Variants in BCAR3 observed in about 807,000 individuals in gnomAD.
BCAR3 encodes breast cancer anti-estrogen resistance protein 3.
BCAR3 carries 37 observed loss-of-function variants against 80.1 expected under a neutral mutation model. The ratio of observed to expected loss-of-function variants is 0.46; its 90% CI spans 0.36 to 0.61. The LOEUF (loss-of-function observed/expected upper bound fraction) is 0.61, where lower values mean the gene tolerates loss of function less well. Ranked by LOEUF, BCAR3 falls within the 20% of genes least tolerant of loss-of-function variation. The pLI is 0.00. For synonymous variants in BCAR3, 389 were observed against 418.9 expected (o/e 0.93, Z 0.87); for missense variants, 978 against 1,068.2 (o/e 0.92, Z 1.18).
rs372030393 is a variant in BCAR3 at position 93,592,400 on chromosome 1, C to T, written c.358-7G>A. The T allele has an allele frequency of 2.5e-5, 40 of 1,590,964 alleles. No homozygotes were observed. The highest frequency in any genetic ancestry group is 3.3e-5 in the Non-Finnish European group (39 of 1,174,374). On this transcript the variant is annotated splice_region_variant and splice_polypyrimidine_tract_variant and intron_variant, in intron 3 of 11. Coordinates refer to ENST00000260502, the MANE Select transcript of BCAR3 (RefSeq NM_003567.4). This position sits in a 1 kb window ranked among gnomAD's most constrained non-coding sequence, Gnocchi z 4.8. ...TGTGCCTCTCCTTGGAGAACTGCAA[C>T]ACAGAGTCAACCATGAGCTCACCCT...
At chr1:93,712,534 C>G (rs1650059492) in intron 2 of BCAR3, among the ~76,000 whole-genome samples, 1 of 152,218 alleles carries the variant, frequency 6.6e-6, no homozygotes, top group Non-Finnish European at 1.5e-5. Context: ...TGCTCACTGT[C>G]TAGGTCCATG....
rs376160020 is a variant in BCAR3, at chr1:93,589,057, C to T, written c.849G>A (p.Pro283=). Residue 283 remains proline, a synonymous_variant, in exon 5 of 12, where the codon CCG becomes CCA. Transcript: ENST00000260502. The stretch of plus-strand genomic sequence containing the variant: ...TGAGGCTCAGCCTCTTGGCCACATC[C>T]GGCCTTCCCTTGGTGAGGCTGCCCT... ...AREGSLTKGR[P]DVAKRLSLTM... 1.1e-4 allele frequency: 183 copies of T among 1,611,948 alleles called. No homozygotes were observed. The South Asian group carries it at 1.3e-3, about 11-fold the overall frequency.
chr1:93,770,087 G>C (rs1212030994), intron 2 of BCAR3, among the ~76,000 whole-genome samples: 1 of 152,226 alleles, frequency 6.6e-6, no homozygotes, highest in Non-Finnish European at 1.5e-5. Flanking sequence ...AAGGGGAAAG[G>C]CTTTTCAGCA....
At chr1:93,614,410 G>GT (rs1405910985) in intron 3 of BCAR3, among the ~76,000 whole-genome samples, 1 of 152,040 alleles carries the variant, frequency 6.6e-6, no homozygotes, top group Non-Finnish European at 1.5e-5. Flanking sequence ...AGGAAGCAGG[G>GT]TAAGTTGTAC....
rs572873135 is a variant in BCAR3 at position 93,715,362 on chromosome 1, T to C, written c.-62-9220A>G. ...AAAGGTTGTAAGTTCCTAGGAAAGA[T>C]GACAGAAACAAAGATTGCCTTGGAG... On this transcript the variant is annotated intron_variant, in intron 2 of 13. Coordinates refer to the BCAR3 transcript ENST00000370244. 4.6e-5 allele frequency among the ~76,000 whole-genome samples: 7 copies of C among 152,356 alleles called. No homozygotes were observed. The Middle Eastern group carries it at 0.02, about 444-fold the overall frequency.
At chr1:93,717,285 G>T (rs1429686100) in intron 2 of BCAR3, among the ~76,000 whole-genome samples, 1 of 152,216 alleles carries the variant, frequency 6.6e-6, no homozygotes, top group Admixed American at 6.5e-5. Flanking sequence ...AGGAGGCCCA[G>T]CTGAGCCCAG....
intron 2 of BCAR3, among the ~76,000 whole-genome samples, chr1:93,665,965 C>T (rs183371346): frequency 6.6e-6 from 1 of 152,166 alleles, no homozygotes. Flanking sequence ...ACTGTACCTG[C>T]AAACTATATC....
intron 2 of BCAR3, among the ~76,000 whole-genome samples, chr1:93,652,031 T>C (rs1041103335): frequency 6.6e-6 from 1 of 152,202 alleles, no homozygotes; most frequent in Non-Finnish European, 1.5e-5. Context: ...GAGGGGGTAT[T>C]TGGCACTTCC....
At chr1:93,733,955 T>C (rs561572456) in intron 2 of BCAR3, among the ~76,000 whole-genome samples, 1 of 152,358 alleles carries the variant, frequency 6.6e-6, no homozygotes, top group Non-Finnish European at 1.5e-5. Context: ...GTGACTTTTC[T>C]CCTAAATATC....
intron 2 of BCAR3, among the ~76,000 whole-genome samples, chr1:93,777,678 G>A (rs1246281956): frequency 6.6e-6 from 1 of 152,064 alleles, no homozygotes; most frequent in Non-Finnish European, 1.5e-5. Flanking sequence ...TCCTGCCTTG[G>A]CCTCTCAGAG....
chr1:93,564,289 T>A (rs1287149330), intron 11 of BCAR3, among the ~76,000 whole-genome samples: 1 of 111,328 alleles, frequency 9.0e-6, no homozygotes, highest in African/African-American at 3.8e-5. Flanking sequence ...TTTCTTTCTT[T>A]CTTTTTTTTT....
In BCAR3 at chr1:93,786,053, C is replaced by T. The variant is rs565150359; in HGVS notation, c.-63+59514G>A. Among the ~76,000 whole-genome samples the T allele has an allele frequency of 1.3e-3, 179 of 141,276 alleles. 8 individuals carry two copies. Among genetic ancestry groups the T allele is most frequent in the Non-Finnish European group, 1.9e-3 (124 of 66,746 alleles). The allele number at this position is 141,276 out of a possible 152,430, so 92.7% of individuals were successfully genotyped here. A position where few individuals can be genotyped will look rare whatever the true frequency, so the allele number is the denominator to read the frequency against. On this transcript the variant is annotated intron_variant, in intron 2 of 13. Coordinates refer to the BCAR3 transcript ENST00000370244. ...CTAAAAATACAAAAAATTAGCCGGG[C>T]GTGGTGGCGGGCGCCTGTAGTCCCA...
At position 93,592,724 on chromosome 1, in the gene BCAR3, A is replaced by G. The variant is rs7519939; in HGVS notation, c.358-331T>C. ...GCCCAGCCTGCTCTCTTCCCAGCGGAGAGCTTCCTCATTCTCCTTCAGGAC... is the reference window on the plus strand; with the variant it reads ...GCCCAGCCTGCTCTCTTCCCAGCGGGGAGCTTCCTCATTCTCCTTCAGGAC... On this transcript the variant is annotated intron_variant, in intron 3 of 11. Coordinates refer to ENST00000260502, the MANE Select transcript of BCAR3 (RefSeq NM_003567.4). This position sits in a 1 kb window ranked among gnomAD's most constrained non-coding sequence, Gnocchi z 4.8. Among the ~76,000 whole-genome samples the G allele has an allele frequency of 0.13, 20,261 of 152,084 alleles. 2,703 individuals are homozygous for G. The highest frequency in any genetic ancestry group is 0.34 in the African/African-American group (13,885 of 41,434).
At chr1:93,583,840 A>ACGGTGTCTAGCTCAGTGCTT (rs1326610554) in intron 6 of BCAR3, among the ~76,000 whole-genome samples, 178 bp downstream of exon 6, 1 of 152,174 alleles carries the variant, frequency 6.6e-6, no homozygotes, top group Non-Finnish European at 1.5e-5. Context: ...AAGCTGGCAT[A>ACGGTGTCTAGCTCAGTGCTT]CGGTGTCTAG....
intron 2 of BCAR3, among the ~76,000 whole-genome samples, chr1:93,653,261 G>A (rs568373967): frequency 1.2e-4 from 18 of 152,302 alleles, no homozygotes; most frequent in Admixed American, 3.9e-4. Flanking sequence ...GGAATTGTTT[G>A]CAATACTATC....
chr1:93,648,620 C>G (rs746855997), intron 2 of BCAR3: 1 of 152,210 alleles, frequency 6.6e-6, no homozygotes, highest in East Asian at 1.9e-4. Context: ...TCAGTCAGTG[C>G]TTGCTTATAT....
chr1:93,588,816 G>C (rs1452254593), intron 5 of BCAR3, among the ~76,000 whole-genome samples, 161 bp downstream of exon 5: 1 of 152,148 alleles, frequency 6.6e-6, no homozygotes, highest in African/African-American at 2.4e-5. Flanking sequence ...TGCTCAGCTG[G>C]GAGCTAATTG....
chr1:93,584,434 C>G (rs951831453), intron 5 of BCAR3, among the ~76,000 whole-genome samples: 1 of 152,250 alleles, frequency 6.6e-6, no homozygotes, highest in East Asian at 1.9e-4. Flanking sequence ...ACGATACTCC[C>G]GGGAAAATCT....
At chr1:93,694,373 G>A (rs556337793) in intron 3 of BCAR3, among the ~76,000 whole-genome samples, 3 of 149,690 alleles carry the variant, frequency 2.0e-5, no homozygotes, top group East Asian at 1.9e-4. Flanking sequence ...GTGGGATCCC[G>A]GCTACTGTGA....
Sources: allele counts gnomAD v4.1 joint callset (sites outside exome capture counted in the v4.1 genomes callset), GRCh38; gene constraint gnomAD v4.1.1; non-coding constraint Gnocchi (gnomAD v3.1); transcripts MANE v1.5; gene names NCBI Gene and HGNC (gene_info 2026-07-23, HGNC 2026-07-21).